RBBP6: variants seen among roughly 807,000 people sequenced by gnomAD.
The protein encoded by RBBP6 is RB binding protein 6, ubiquitin ligase.
Under a neutral mutation model 167.7 loss-of-function variants are expected in RBBP6, and 25 were observed. That is an observed-to-expected ratio of 0.15 (90% CI 0.11 to 0.21). The LOEUF is 0.21. RBBP6 is among the 10% of genes least tolerant of loss of function. The probability of loss-of-function intolerance (pLI) is 1.00; values close to 1 mark genes in which losing one functional copy is unlikely to be tolerated. For synonymous variants in RBBP6, 789 were observed against 735.8 expected, an observed-to-expected ratio of 1.07 and a Z score of -1.17; for missense variants, 1,868 against 2,134.2, an observed-to-expected ratio of 0.88 and a Z score of 2.46.
At chr16:24,550,264 C>T (rs1188420612) in intron 3 of RBBP6, among the ~76,000 whole-genome samples, 2 of 151,054 alleles carry the variant, frequency 1.3e-5, no homozygotes, top group Non-Finnish European at 3.0e-5. Flanking sequence ...AGTATATGGC[C>T]TTTAGTTCTT....
In RBBP6 at chr16:24,540,656, T is replaced by G; in HGVS notation, c.30T>G (p.Ser10=). 6.2e-7 allele frequency: 1 copy of G among 1,614,076 alleles called. No individual in the cohort carries two copies. The highest frequency in any genetic ancestry group is 8.5e-7 in the Non-Finnish European group (1 of 1,179,964). MSCVHYKFS[S]KLNYDTVTFD... Reference sequence around the variant, plus strand: ...CCTGTGTGCATTATAAATTTTCCTCTAAACTCAACTATGATACCGTCACCT... The same window carrying G: ...CCTGTGTGCATTATAAATTTTCCTCGAAACTCAACTATGATACCGTCACCT... The change falls in exon 1 of 18, where the codon TCT becomes TCG. Residue 10 remains serine (S), a synonymous_variant. Coordinates refer to ENST00000319715, the MANE Select transcript of RBBP6 (RefSeq NM_006910.5).
In RBBP6 at chr16:24,572,170, A is replaced by G. The variant is rs1055383887; in HGVS notation, c.5104A>G (p.Arg1702Gly). The G allele has an allele frequency of 3.7e-6, 6 of 1,614,198 alleles. No individual in the cohort carries two copies. The Admixed American group carries it at 6.7e-5, about 18-fold the overall frequency. ...CAGCAGCCCCAGCGTCAGCCCCAGC[A>G]GAAGCCACAGTCCTTCTGGAAGCCA... is the stretch of plus-strand genomic sequence containing the variant. ...SHSSPSVSPS[R>G]SHSPSGSQTR... Residue 1702 changes from arginine (R) to glycine (G), a missense_variant, in exon 18 of 18, where the codon AGA becomes GGA. Around this residue, in one of 7 missense-constraint regions of RBBP6, gnomAD observed 591 missense variants for 540.5 expected, o/e 1.09. Transcript: ENST00000319715.
intron 3 of RBBP6, chr16:24,549,340 G>C (rs1350146852): frequency 1.9e-6 from 2 of 1,074,300 alleles, no homozygotes; most frequent in Non-Finnish European, 2.3e-6. Flanking sequence ...TTAGTATTTT[G>C]TATGTATGTA....
At chr16:24,556,693 C>T (rs1898919698) in intron 7 of RBBP6, among the ~76,000 whole-genome samples, 1 of 152,120 alleles carries the variant, frequency 6.6e-6, no homozygotes, top group African/African-American at 2.4e-5. Context: ...CTAATTTTTT[C>T]TTTTTCTGTC....
chr16:24,571,850 A>G lies in RBBP6; in HGVS notation c.4784A>G (p.Glu1595Gly), dbSNP rs1205443495. 1.9e-6 allele frequency: 3 copies of G among 1,614,200 alleles called. No homozygotes were observed. Among genetic ancestry groups the G allele is most frequent in the Admixed American group, 3.3e-5 (2 of 60,024 alleles). ...NKLLYILNPP[E>G]TQVEKEQITG... ...CTACTTTATATACTTAACCCACCAG[A>G]GACACAGGTTGAAAAAGAGCAAATT... Residue 1595 changes from glutamate to glycine, a missense_variant, in exon 18 of 18, where the codon GAG (glutamate) becomes GGG (glycine). Transcript: ENST00000319715.
chr16:24,540,482 T>TG lies in RBBP6; in HGVS notation c.-139dup. 2 of 685,564 alleles carry TG rather than the reference T, an allele frequency of 2.9e-6. No homozygotes were observed. The allele number at this position is 685,564 out of a possible 1,614,324, so 42.5% of individuals were successfully genotyped here. A position where few individuals can be genotyped will look rare whatever the true frequency, so the allele number is the denominator to read the frequency against. On this transcript the variant is annotated 5_prime_UTR_variant, in exon 1 of 18. Transcript: ENST00000319715. ...GTTCTGACGAACCCCTGCTTGTGGT[T>TG]GGGGGGTATTTAATCTGAGGCCTTA...
chr16:24,564,699 G>T, intron 13 of RBBP6, 98 bp from the exon 14 acceptor site: 1 of 1,395,920 alleles, frequency 7.2e-7, no homozygotes, highest in Non-Finnish European at 9.4e-7. Context: ...AAAGTTTTCA[G>T]AGTAGTTAAA....
chr16:24,549,766 G>C (rs1043383054), intron 3 of RBBP6, among the ~76,000 whole-genome samples: 2 of 151,958 alleles, frequency 1.3e-5, no homozygotes, highest in Non-Finnish European at 2.9e-5. Flanking sequence ...AGTTAGTGCA[G>C]ATGTCCAAAT....
At position 24,572,422 on chromosome 16, in the gene RBBP6, A is replaced by G. The variant is rs1441481755; in HGVS notation, c.5356A>G (p.Lys1786Glu). ...KEKEKEKDDQKVKSVTV is the reference protein window; with the variant it reads ...KEKEKEKDDQEVKSVTV ...GAAGGAGAAGGAGAAAGATGACCAA[A>G]AAGTGAAATCTGTCACTGTGTAAAA... The change falls in exon 18 of 18, where the codon AAA becomes GAA. Residue 1786 changes from lysine to glutamate, a missense_variant. Physicochemically the swap from Lys to Glu is moderately conservative, Grantham distance 56 (BLOSUM62 1). Transcript: ENST00000319715. 13 of 1,530,558 alleles carry G rather than the reference A, an allele frequency of 8.5e-6. No individual in the cohort carries two copies. Among genetic ancestry groups the G allele is most frequent in the Non-Finnish European group, 1.1e-5 (13 of 1,141,750 alleles). The allele number at this position is 1,530,558 out of a possible 1,614,324, so 94.8% of individuals were successfully genotyped here. A position where few individuals can be genotyped will look rare whatever the true frequency, so the allele number is the denominator to read the frequency against.
chr16:24,545,146 C>T (rs538676113), intron 1 of RBBP6, among the ~76,000 whole-genome samples: 6 of 152,194 alleles, frequency 3.9e-5, no homozygotes, highest in South Asian at 2.1e-4. Context: ...GGCGCGATCT[C>T]GGCTCACTGC....
At chr16:24,553,684 C>G in intron 4 of RBBP6, 127 bp downstream of exon 4, 1 of 580,260 alleles carries the variant, frequency 1.7e-6, no homozygotes, top group Non-Finnish European at 2.9e-6. Flanking sequence ...CATATTATTA[C>G]TATCCTGTAA....
chr16:24,552,737 GT>G (rs1234147732), intron 3 of RBBP6, among the ~76,000 whole-genome samples: 1 of 151,820 alleles, frequency 6.6e-6, no homozygotes, highest in African/African-American at 2.4e-5. Context: ...CCTCTTCAGT[GT>G]TAGAGAATTG....
rs756416688 is a variant in RBBP6, at chr16:24,563,339, G to T, written c.1386+44G>T. Reference sequence around the variant, plus strand: ...TTAATTTGGGATTTTTTTTACAGCAGGGTTTTGTTTTTCTGGCTTTGTTCT... The same window carrying T: ...TTAATTTGGGATTTTTTTTACAGCATGGTTTTGTTTTTCTGGCTTTGTTCT... On this transcript the variant is annotated intron_variant, in intron 11 of 17. Coordinates refer to ENST00000319715, the MANE Select transcript of RBBP6 (RefSeq NM_006910.5). The T allele has an allele frequency of 2.5e-6, 4 of 1,569,034 alleles. No individual in the cohort carries two copies. The South Asian group carries it at 4.7e-5, about 19-fold the overall frequency.
At position 24,572,354 on chromosome 16, in the gene RBBP6, A is replaced by G; in HGVS notation, c.5288A>G (p.His1763Arg). The stretch of plus-strand genomic sequence containing the variant: ...GTGGAATTGGAAAAAAGCCAAAAAC[A>G]CAAACACAAGAAAAAGAAGTCAAAG... ...TEVELEKSQKHKHKKKKSKKN... is the reference protein window; with the variant it reads ...TEVELEKSQKRKHKKKKSKKN... Residue 1763 changes from histidine to arginine, a missense_variant, in exon 18 of 18, where the codon CAC (histidine) becomes CGC (arginine). His to Arg is a conservative substitution (Grantham distance 29, BLOSUM62 0). Around this residue, in one of 7 missense-constraint regions of RBBP6, gnomAD observed 591 missense variants for 540.5 expected, o/e 1.09. Coordinates refer to ENST00000319715, the MANE Select transcript of RBBP6 (RefSeq NM_006910.5). The G allele has an allele frequency of 3.9e-6, 6 of 1,553,066 alleles. No individual in the cohort carries two copies. Among genetic ancestry groups the G allele is most frequent in the Non-Finnish European group, 5.2e-6 (6 of 1,147,622 alleles).
In RBBP6 at chr16:24,571,163, A is replaced by T. The variant is rs781540641; in HGVS notation, c.4097A>T (p.Glu1366Val). Residue 1366 changes from glutamate to valine, a missense_variant, in exon 18 of 18, where the codon GAA (glutamate) becomes GTA (valine). Glu to Val is a moderately radical substitution (Grantham distance 121). Around this residue, in one of 7 missense-constraint regions of RBBP6, gnomAD observed 591 missense variants for 540.5 expected, o/e 1.09. Transcript: ENST00000319715. Reference sequence around the variant, plus strand: ...AATATAGTCAAGTATCCTGAGAAAGAAAGTGAGCCATCCGAGAAAATTCAG... The same window carrying T: ...AATATAGTCAAGTATCCTGAGAAAGTAAGTGAGCCATCCGAGAAAATTCAG... ...PSNIVKYPEK[E>V]SEPSEKIQKF... is the part of the protein sequence containing the mutation. 4.3e-6 allele frequency: 7 copies of T among 1,613,834 alleles called. No homozygotes were observed. The highest frequency in any genetic ancestry group is 5.9e-6 in the Non-Finnish European group (7 of 1,179,708).
At chr16:24,553,384 C>A in intron 3 of RBBP6, 129 bp from the exon 4 acceptor site, 1 of 680,776 alleles carries the variant, frequency 1.5e-6, no homozygotes, top group Non-Finnish European at 2.5e-6. Context: ...CATTTTCAAG[C>A]TTAACATTCT....
chr16:24,571,133 C>T lies in RBBP6; in HGVS notation c.4067C>T (p.Pro1356Leu). ...ASVIKNVSTKPSNIVKYPEKE... is the reference protein window; with the variant it reads ...ASVIKNVSTKLSNIVKYPEKE... ...GTTATAAAAAATGTTAGTACAAAGC[C>T]ATCAAATATAGTCAAGTATCCTGAG... Residue 1356 changes from proline (P) to leucine (L), a missense_variant, in exon 18 of 18, where the codon CCA (proline) becomes CTA (leucine). Pro to Leu is a moderately conservative substitution (Grantham distance 98). Around this residue, in one of 7 missense-constraint regions of RBBP6, gnomAD observed 591 missense variants for 540.5 expected, o/e 1.09. Transcript: ENST00000319715. 6.2e-7 allele frequency: 1 copy of T among 1,613,278 alleles called. No individual in the cohort carries two copies. The highest frequency in any genetic ancestry group is 8.5e-7 in the Non-Finnish European group (1 of 1,179,544).
At chr16:24,558,819 C>T (rs755728161) in intron 7 of RBBP6, among the ~76,000 whole-genome samples, 16 of 152,006 alleles carry the variant, frequency 1.1e-4, no homozygotes, top group Non-Finnish European at 1.9e-4. Context: ...TTTGTAACAC[C>T]GATTTTGATC....
In RBBP6 at chr16:24,569,912, A is replaced by G. The variant is rs751785047; in HGVS notation, c.3222A>G (p.Ser1074=). Residue 1074 remains serine (S), a synonymous_variant, in exon 17 of 18, where the codon TCA becomes TCG. Coordinates refer to ENST00000319715, the MANE Select transcript of RBBP6 (RefSeq NM_006910.5). The part of the protein sequence containing the change: ...EETPKTDNTK[S]SSSSQKDEKI... The stretch of plus-strand genomic sequence containing the variant: ...CTCCGAAGACTGACAATACTAAATC[A>G]TCATCTTCCTCTCAGAAGGATGAAA... 1.5e-5 allele frequency: 24 copies of G among 1,609,808 alleles called. No individual in the cohort carries two copies. Among genetic ancestry groups the G allele is most frequent in the Non-Finnish European group, 2.0e-5 (24 of 1,179,112 alleles).
Sources: allele counts gnomAD v4.1 joint callset (sites outside exome capture counted in the v4.1 genomes callset), GRCh38; gene constraint gnomAD v4.1.1; regional missense constraint gnomAD v4.1.1; transcripts MANE v1.5; gene names NCBI Gene and HGNC (gene_info 2026-07-23, HGNC 2026-07-21).